Variants in DSE observed in about 807,000 individuals in gnomAD.
DSE encodes the protein dermatan-sulfate epimerase.
A neutral mutation model predicts 84.4 loss-of-function variants in DSE; 36 were observed. The ratio of observed to expected loss-of-function variants is 0.43; its 90% CI spans 0.33 to 0.56. The LOEUF is 0.56. Ranked by LOEUF, DSE falls within the 20% of genes least tolerant of loss-of-function variation. DSE has a pLI of 0.06. For missense variants in DSE, 862 were observed against 1,169.6 expected, an observed-to-expected ratio of 0.74 and a Z score of 3.84; for synonymous variants, 410 against 430.1, an observed-to-expected ratio of 0.95 and a Z score of 0.58.
intron 2 of DSE, among the ~76,000 whole-genome samples, chr6:116,324,032 A>T (rs1776479951): frequency 6.6e-6 from 1 of 152,178 alleles, no homozygotes; most frequent in African/African-American, 2.4e-5. Flanking sequence ...GCAAGGTAAG[A>T]GGACAAAAGA....
intron 2 of DSE, among the ~76,000 whole-genome samples, chr6:116,421,463 A>ATTTT (rs71012335): frequency 2.8e-4 from 17 of 61,342 alleles, no homozygotes; most frequent in Admixed American, 9.6e-4. Flanking sequence ...ATATATATAT[A>ATTTT]TTTTTTTTTT....
chr6:116,292,592 G>T (rs1223432654), intron 2 of DSE, among the ~76,000 whole-genome samples: 2 of 152,102 alleles, frequency 1.3e-5, no homozygotes, highest in Admixed American at 6.6e-5. Context: ...GTTGAGGGAA[G>T]AATGTTTGTA....
chr6:116,426,960 G>C (rs929760704), intron 3 of DSE, 133 bp downstream of exon 3: 5 of 1,218,808 alleles, frequency 4.1e-6, no homozygotes, highest in Non-Finnish European at 5.6e-6. Context: ...ATGAAATGAA[G>C]TAGTCCCTAC....
chr6:116,408,748 T>G (rs1207351401), intron 2 of DSE, among the ~76,000 whole-genome samples: 1 of 152,198 alleles, frequency 6.6e-6, no homozygotes, highest in African/African-American at 2.4e-5. Flanking sequence ...GATTACCTGG[T>G]CTTTGAAGTA....
chr6:116,401,025 T>C (rs746294906), intron 2 of DSE: 2 of 152,114 alleles, frequency 1.3e-5, no homozygotes, highest in Non-Finnish European at 2.9e-5. Flanking sequence ...ATTAAGAAAT[T>C]GATGTAAATG....
intron 2 of DSE, among the ~76,000 whole-genome samples, chr6:116,358,186 A>G (rs1250685187): frequency 5.3e-5 from 8 of 152,152 alleles, no homozygotes. Context: ...TCTTTCCTAC[A>G]TGACTTGTAG....
chr6:116,390,466 A>C (rs1279870339), intron 1 of DSE, among the ~76,000 whole-genome samples: 4 of 152,220 alleles, frequency 2.6e-5, no homozygotes, highest in Non-Finnish European at 4.4e-5. Context: ...TTGATATTCC[A>C]GTACTGGATC....
intron 4 of DSE, 44 bp downstream of exon 4, chr6:116,431,237 A>AT (rs756630741): frequency 4.3e-5 from 68 of 1,598,406 alleles, no homozygotes; most frequent in African/African-American, 5.4e-5. Flanking sequence ...AACTATTGTA[A>AT]TTTTTTCTGA....
chr6:116,390,031 G>T (rs967810482), intron 1 of DSE, among the ~76,000 whole-genome samples: 1 of 149,250 alleles, frequency 6.7e-6, no homozygotes, highest in Non-Finnish European at 1.5e-5. Context: ...AGATTTTCTT[G>T]CCCACTTTGT....
chr6:116,421,463 A>ATATAT lies in DSE; in HGVS notation c.417-5110_417-5109insATATT, dbSNP rs1357496121. ...TATACATATATATATATATATATAT[A>ATATAT]TTTTTTTTTTTTTTTTTTTTTTTTT... On this transcript the variant is annotated intron_variant, in intron 2 of 5. Coordinates refer to ENST00000644252, the MANE Select transcript of DSE (RefSeq NM_013352.4). Among the ~76,000 whole-genome samples the ATATAT allele has an allele frequency of 9.8e-5, 6 of 61,344 alleles. 1 individual carries two copies. In the East Asian group the frequency reaches 1.1e-3, roughly 11 times the overall value. 40.2% of individuals were successfully genotyped at this position (61,344 alleles called of 152,430 possible). A position where few individuals can be genotyped will look rare whatever the true frequency, so the allele number is the denominator to read the frequency against.
At chr6:116,369,833 A>G, upstream of DSE, 2 of 1,104,628 alleles carry the variant, frequency 1.8e-6, no homozygotes, top group Non-Finnish European at 2.4e-6. Context: ...AGAAGTGAGA[A>G]CCTCTGAGGA....
At chr6:116,366,459 T>A (rs1338537812), upstream of DSE, 2 of 152,226 alleles carry the variant, frequency 1.3e-5, no homozygotes, top group Non-Finnish European at 2.9e-5. Context: ...TTTGGTCTAT[T>A]AAGTCTAAGG....
intron 1 of DSE, among the ~76,000 whole-genome samples, chr6:116,395,969 T>C (rs1412012188): frequency 6.6e-6 from 1 of 152,340 alleles, no homozygotes; most frequent in East Asian, 1.9e-4. Flanking sequence ...TTTAAACTAG[T>C]GGATAGTTTT....
In DSE at chr6:116,286,635, A is replaced by G. The variant is rs1179382508; in HGVS notation, c.-54+27668A>G. 2.6e-5 allele frequency among the ~76,000 whole-genome samples: 4 copies of G among 152,208 alleles called. No individual in the cohort carries two copies. The East Asian group carries it at 7.7e-4, about 29-fold the overall frequency. On this transcript the variant is annotated intron_variant, in intron 2 of 3. Transcript: ENST00000430252. The stretch of plus-strand genomic sequence containing the variant: ...AATCACATCATAAAAGAGAAATAAA[A>G]GTAATTTATAATATTGTCTATTTTG...
In DSE at chr6:116,432,811, CA is replaced by C. The variant is rs530135180; in HGVS notation, c.911-531del. Reference sequence around the variant, plus strand: ...TTCTGTCGTTTAACTTCCAGCAGTACATACTGGCAGGAGCTACTCCGGGAAT... The same window carrying C: ...TTCTGTCGTTTAACTTCCAGCAGTACTACTGGCAGGAGCTACTCCGGGAAT... On this transcript the variant is annotated intron_variant, in intron 4 of 5. Coordinates refer to ENST00000644252, the MANE Select transcript of DSE (RefSeq NM_013352.4). 1.8e-4 allele frequency: 28 copies of C among 153,802 alleles called. No individual in the cohort carries two copies. In the East Asian group the frequency reaches 5.2e-3, roughly 28 times the overall value. 9.5% of individuals were successfully genotyped at this position (153,802 alleles called of 1,614,324 possible). A position where few individuals can be genotyped will look rare whatever the true frequency, so the allele number is the denominator to read the frequency against.
chr6:116,326,171 A>C (rs540952147), intron 2 of DSE, among the ~76,000 whole-genome samples: 1 of 152,064 alleles, frequency 6.6e-6, no homozygotes, highest in Non-Finnish European at 1.5e-5. Context: ...TTGGAGGCAG[A>C]AATTGGGCAT....
At position 116,441,677 on chromosome 6, in the gene DSE, TTC is replaced by T; in HGVS notation, c.*4336_*4337del. 1 of 152,336 alleles carries T rather than the reference TTC, an allele frequency of 6.6e-6. No individual in the cohort carries two copies. Among genetic ancestry groups the T allele is most frequent in the Non-Finnish European group, 1.5e-5 (1 of 68,030 alleles). The allele number at this position is 152,336 out of a possible 1,614,324, so 9.4% of individuals were successfully genotyped here. On this transcript the variant is annotated 3_prime_UTR_variant, in exon 6 of 6. Coordinates refer to ENST00000644252, the MANE Select transcript of DSE (RefSeq NM_013352.4). ...GGCTTTATTGATGTCTCCACTTCCA[TTC>T]TCTGTGTCATTTTGAAAATCTATTT...
At chr6:116,405,456 C>G (rs1781865016) in intron 2 of DSE, among the ~76,000 whole-genome samples, 1 of 152,164 alleles carries the variant, frequency 6.6e-6, no homozygotes, top group Non-Finnish European at 1.5e-5. Flanking sequence ...TCAGAAAACC[C>G]AGCCTCTAAT....
At chr6:116,426,080 C>A (rs187725233) in intron 2 of DSE, among the ~76,000 whole-genome samples, 5 of 152,274 alleles carry the variant, frequency 3.3e-5, no homozygotes, top group African/African-American at 1.2e-4. Context: ...ATTGAGAGAT[C>A]ATGGATTATG....
Sources: gnomAD v4.1 joint callset for allele counts (sites outside exome capture counted in the v4.1 genomes callset) on GRCh38, gnomAD v4.1.1 for gene constraint, MANE v1.5 for transcripts, NCBI Gene and HGNC (gene_info 2026-07-23, HGNC 2026-07-21) for gene names.